Variants in SLC16A14 observed in about 807,000 individuals in gnomAD.
SLC16A14 encodes the protein monocarboxylate transporter 14.
Under a neutral mutation model 35.8 loss-of-function variants are expected in SLC16A14, and 14 were observed. The ratio of observed to expected loss-of-function variants is 0.39; its 90% CI spans 0.26 to 0.61. SLC16A14 has a LOEUF of 0.61. Among genes scored for constraint, SLC16A14 ranks in the 20% least tolerant of loss-of-function variants. The pLI is 0.51. For synonymous variants in SLC16A14, 248 were observed against 258.9 expected, an observed-to-expected ratio of 0.96 and a Z score of 0.40; for missense variants, 533 against 655.0, an observed-to-expected ratio of 0.81 and a Z score of 2.03.
chr2:230,056,443 G>A (rs1374106998), intron 2 of SLC16A14, among the ~76,000 whole-genome samples: 2 of 151,836 alleles, frequency 1.3e-5, no homozygotes, highest in African/African-American at 2.4e-5. Flanking sequence ...TTTAGTAAAG[G>A]CAGGGTTTCA....
At chr2:230,055,696 G>A (rs1186190314) in intron 2 of SLC16A14, among the ~76,000 whole-genome samples, 2 of 152,118 alleles carry the variant, frequency 1.3e-5, no homozygotes, top group African/African-American at 4.8e-5. Context: ...TATTTTCATA[G>A]GACTTATGAA....
intron 1 of SLC16A14, among the ~76,000 whole-genome samples, chr2:230,065,385 T>C (rs1375980782): frequency 1.3e-5 from 2 of 152,142 alleles, no homozygotes; most frequent in East Asian, 1.9e-4. Flanking sequence ...GCCTCCTGAG[T>C]AGCTGGGACT....
chr2:230,052,086 G>A (rs1391002636), intron 2 of SLC16A14, among the ~76,000 whole-genome samples: 3 of 151,832 alleles, frequency 2.0e-5, no homozygotes, highest in African/African-American at 4.8e-5. Context: ...ACAGGCGCAC[G>A]CCACCATGCC....
chr2:230,052,671 G>A (rs1484619520), intron 2 of SLC16A14, among the ~76,000 whole-genome samples: 1 of 151,722 alleles, frequency 6.6e-6, no homozygotes, highest in African/African-American at 2.4e-5. Context: ...TTCATGTCTG[G>A]AGGAATTTTA....
chr2:230,054,039 A>C (rs200735239), intron 2 of SLC16A14, among the ~76,000 whole-genome samples: 1 of 4,372 alleles, frequency 2.3e-4, no homozygotes, highest in Non-Finnish European at 1.9e-3. Flanking sequence ...TTAGGAGCTT[A>C]AAAAAAAATC....
chr2:230,065,327 G>A (rs2077785175), intron 1 of SLC16A14, among the ~76,000 whole-genome samples: 1 of 152,094 alleles, frequency 6.6e-6, no homozygotes. Context: ...CATGATCTCG[G>A]CTCATTGCAA....
chr2:230,041,313 G>C (rs141051949), intron 4 of SLC16A14, among the ~76,000 whole-genome samples: 1 of 152,068 alleles, frequency 6.6e-6, no homozygotes, highest in African/African-American at 2.4e-5. Context: ...AGGAAAGTAT[G>C]TACTACTATT....
chr2:230,040,214 C>CATT (rs138263085), intron 4 of SLC16A14, among the ~76,000 whole-genome samples: 340 of 150,458 alleles, frequency 2.3e-3, no homozygotes, highest in African/African-American at 7.1e-3. Flanking sequence ...AAATTGAATT[C>CATT]ATTATTATTA....
intron 3 of SLC16A14, among the ~76,000 whole-genome samples, chr2:230,047,386 A>G (rs1438985094): frequency 2.8e-5 from 4 of 141,262 alleles, no homozygotes; most frequent in South Asian, 4.4e-4. Context: ...ATCACAGCTC[A>G]TTGCGTCCTC....
intron 2 of SLC16A14, among the ~76,000 whole-genome samples, chr2:230,058,598 C>T (rs568055014): frequency 4.0e-5 from 6 of 151,554 alleles, no homozygotes; most frequent in East Asian, 1.9e-4. Context: ...AAAATATGAG[C>T]GTACTTAATG....
At chr2:230,067,567 T>TCA (rs1409871891) in intron 1 of SLC16A14, among the ~76,000 whole-genome samples, 4 of 110,666 alleles carry the variant, frequency 3.6e-5, no homozygotes, top group African/African-American at 1.3e-4. Flanking sequence ...TCTCTCTCTC[T>TCA]CTCTCACACA....
chr2:230,065,923 C>T (rs546718622), intron 1 of SLC16A14, among the ~76,000 whole-genome samples: 1 of 152,266 alleles, frequency 6.6e-6, no homozygotes, highest in African/African-American at 2.4e-5. Context: ...AGCTCCCTTA[C>T]ATTTTCTACA....
chr2:230,059,607 G>T (rs1348310996), intron 1 of SLC16A14, among the ~76,000 whole-genome samples: 1 of 152,098 alleles, frequency 6.6e-6, no homozygotes, highest in Non-Finnish European at 1.5e-5. Context: ...ACAATCTTGG[G>T]AATAGACTCA....
chr2:230,036,891 TAGATC>T lies in SLC16A14; in HGVS notation c.*484_*488del, dbSNP rs1560468171. The T allele has an allele frequency of 6.6e-6, 1 of 152,056 alleles. No homozygotes were observed. The highest frequency in any genetic ancestry group is 1.5e-5 in the Non-Finnish European group (1 of 68,070). The allele number at this position is 152,056 out of a possible 1,614,324, so 9.4% of individuals were successfully genotyped here. A position where few individuals can be genotyped will look rare whatever the true frequency, so the allele number is the denominator to read the frequency against. On this transcript the variant is annotated 3_prime_UTR_variant, in exon 5 of 5. Coordinates refer to ENST00000295190, the MANE Select transcript of SLC16A14 (RefSeq NM_152527.5). The stretch of plus-strand genomic sequence containing the variant: ...AGAGCTTGCCTTTGTTTGATGCTAG[TAGATC>T]AATAGCTCCCTGTAATAATTAATTT...
At chr2:230,043,362 G>A (rs948602206) in intron 4 of SLC16A14, among the ~76,000 whole-genome samples, 7 of 152,204 alleles carry the variant, frequency 4.6e-5, no homozygotes, top group Non-Finnish European at 7.3e-5. Context: ...ATTTAAAAGC[G>A]TGTTTGTTGG....
intron 1 of SLC16A14, among the ~76,000 whole-genome samples, chr2:230,064,068 G>T (rs1400744143): frequency 6.6e-6 from 1 of 150,836 alleles, no homozygotes; most frequent in Non-Finnish European, 1.5e-5. Context: ...CTGCACTCCA[G>T]CCTGGGAGAC....
intron 1 of SLC16A14, among the ~76,000 whole-genome samples, chr2:230,067,561 TCTCTCTCTCTCACA>T (rs2106286553): frequency 1.4e-5 from 1 of 73,146 alleles, no homozygotes; most frequent in Admixed American, 1.6e-4. Flanking sequence ...TCTCTCTCTC[TCTCTCTCTCTCACA>T]CACACACACA....
At chr2:230,039,664 G>A (rs2077544452) in intron 4 of SLC16A14, among the ~76,000 whole-genome samples, 1 of 152,100 alleles carries the variant, frequency 6.6e-6, no homozygotes, top group South Asian at 2.1e-4. Context: ...ATACAAATGA[G>A]GTTCTCATAG....
chr2:230,058,955 T>C lies in SLC16A14; in HGVS notation c.259+139A>G. 6 of 1,442,388 alleles carry C rather than the reference T, an allele frequency of 4.2e-6. No homozygotes were observed. The East Asian group carries it at 9.7e-5, about 23-fold the overall frequency. The allele number at this position is 1,442,388 out of a possible 1,614,324, so 89.3% of individuals were successfully genotyped here. Reference sequence around the variant, plus strand: ...GCCTAAAATGGTAAATTTTATGTTATGCATATTTTATCACAATTGAAAAAT... The same window carrying C: ...GCCTAAAATGGTAAATTTTATGTTACGCATATTTTATCACAATTGAAAAAT... On this transcript the variant is annotated intron_variant, in intron 2 of 4. Transcript: ENST00000295190.
Sources: gnomAD v4.1 joint callset for allele counts (sites outside exome capture counted in the v4.1 genomes callset) on GRCh38, gnomAD v4.1.1 for gene constraint, MANE v1.5 for transcripts, NCBI Gene and HGNC (gene_info 2026-07-23, HGNC 2026-07-21) for gene names.